Variants in NLGN1 observed in about 807,000 individuals in gnomAD.
The protein encoded by NLGN1 is neuroligin-1.
NLGN1 carries 12 observed loss-of-function variants against 65.5 expected under a neutral mutation model. The observed-to-expected ratio is 0.18, with a 90% CI of 0.12 to 0.30. NLGN1 has a LOEUF of 0.30. NLGN1 is among the 10% of genes least tolerant of loss of function. The probability of loss-of-function intolerance (pLI) is 1.00; values close to 1 mark genes in which losing one functional copy is unlikely to be tolerated. For synonymous variants in NLGN1, 350 were observed against 359.5 expected (o/e 0.97, Z 0.30); for missense variants, 750 against 1,007.1 (o/e 0.74, Z 3.46).
intron 4 of NLGN1, among the ~76,000 whole-genome samples, chr3:174,177,095 T>C (rs554714946): frequency 6.6e-5 from 10 of 152,226 alleles, no homozygotes; most frequent in African/African-American, 2.4e-4. Flanking sequence ...CAAATATTAT[T>C]TATGTGCTCC....
intron 4 of NLGN1, among the ~76,000 whole-genome samples, chr3:174,266,026 G>GTT (rs1289919165): frequency 7.7e-6 from 1 of 129,270 alleles, no homozygotes; most frequent in Non-Finnish European, 1.6e-5. Context: ...ATATATGTGT[G>GTT]TGTGTGTATA....
intron 4 of NLGN1, among the ~76,000 whole-genome samples, chr3:173,932,250 C>G (rs1013143412): frequency 1.3e-5 from 2 of 152,094 alleles, no homozygotes; most frequent in African/African-American, 4.8e-5. Context: ...AAAAATGGTA[C>G]TGTTTCAAAT....
intron 4 of NLGN1, among the ~76,000 whole-genome samples, chr3:174,148,550 C>T (rs187932950): frequency 1.3e-5 from 2 of 152,236 alleles, no homozygotes; most frequent in East Asian, 3.9e-4. Context: ...ATAATTAATA[C>T]TCAGCAGCAT....
Position 174,279,621 on chromosome 3 carries a change from G to T in NLGN1, c.1620G>T (p.Met540Ile). Residue 540 changes from methionine to isoleucine, a missense_variant, in exon 6 of 7, where the codon ATG becomes ATT. Transcript: ENST00000457714. This position sits in a 1 kb window ranked among gnomAD's most constrained non-coding sequence, Gnocchi z 4.7. Reference sequence around the variant, plus strand: ...ATGTGATGCTGAGTGCAGTTGTAATGACATACTGGACAAATTTTGCTAAAA... The same window carrying T: ...ATGTGATGCTGAGTGCAGTTGTAATTACATACTGGACAAATTTTGCTAAAA... The T allele has an allele frequency of 6.2e-7, 1 of 1,606,940 alleles. No individual in the cohort carries two copies. Among genetic ancestry groups the T allele is most frequent in the South Asian group, 1.1e-5 (1 of 90,534 alleles).
chr3:174,190,309 C>A (rs569193884), intron 4 of NLGN1, among the ~76,000 whole-genome samples: 1 of 151,810 alleles, frequency 6.6e-6, no homozygotes, highest in Admixed American at 6.6e-5. Context: ...GAACATGAAC[C>A]TGTTGATGAG....
chr3:173,528,380 A>G (rs1357119953), intron 2 of NLGN1, among the ~76,000 whole-genome samples: 1 of 152,140 alleles, frequency 6.6e-6, no homozygotes, highest in Non-Finnish European at 1.5e-5. Context: ...TTGTTATTTT[A>G]CATTGACCTT....
chr3:173,434,051 G>A (rs900484302), intron 1 of NLGN1, among the ~76,000 whole-genome samples: 1 of 152,094 alleles, frequency 6.6e-6, no homozygotes, highest in Non-Finnish European at 1.5e-5. Flanking sequence ...GACTGTAGAA[G>A]TAGAAAATAC....
chr3:174,068,857 G>A (rs1237447013), intron 4 of NLGN1, among the ~76,000 whole-genome samples: 3 of 152,074 alleles, frequency 2.0e-5, no homozygotes, highest in Non-Finnish European at 4.4e-5. Flanking sequence ...TGAACAGAAA[G>A]CAATTTATTG....
intron 3 of NLGN1, among the ~76,000 whole-genome samples, chr3:173,640,649 G>A (rs1441031837): frequency 1.3e-5 from 2 of 151,822 alleles, no homozygotes; most frequent in South Asian, 2.1e-4. Context: ...TTATAACTTC[G>A]GTGTTTGAAT....
intron 3 of NLGN1, among the ~76,000 whole-genome samples, chr3:173,737,094 A>C (rs1773891604): frequency 2.0e-5 from 3 of 152,046 alleles, no homozygotes. Context: ...ATGCAAAAGC[A>C]AAAATCCACT....
intron 3 of NLGN1, among the ~76,000 whole-genome samples, chr3:173,739,483 G>A (rs1421249355): frequency 1.3e-5 from 2 of 152,016 alleles, no homozygotes; most frequent in Non-Finnish European, 2.9e-5. Flanking sequence ...TCTTGTCAAC[G>A]GAAGGGGTTT....
chr3:174,050,938 G>A (rs1250363746), intron 4 of NLGN1, among the ~76,000 whole-genome samples: 1 of 151,958 alleles, frequency 6.6e-6, no homozygotes, highest in Non-Finnish European at 1.5e-5. Context: ...GAGAACGCTG[G>A]GCTGAGAGGT....
intron 4 of NLGN1, among the ~76,000 whole-genome samples, chr3:174,004,542 A>G (rs1299764969): frequency 6.6e-6 from 1 of 152,182 alleles, no homozygotes; most frequent in Non-Finnish European, 1.5e-5. Flanking sequence ...AAACAAAAAC[A>G]TTCTTGGACT....
intron 3 of NLGN1, among the ~76,000 whole-genome samples, chr3:173,621,997 C>A (rs1488387182): frequency 1.3e-5 from 2 of 152,038 alleles, no homozygotes; most frequent in African/African-American, 2.4e-5. Context: ...AAGAAATGCA[C>A]TGAAAAATCC....
intron 4 of NLGN1, chr3:173,910,891 A>G (rs1350779637): frequency 2.0e-5 from 3 of 152,220 alleles, no homozygotes; most frequent in Non-Finnish European, 4.4e-5. Context: ...GGTATCGGAA[A>G]GTAAAAAGGA....
At chr3:173,702,223 A>C (rs1489377218) in intron 3 of NLGN1, among the ~76,000 whole-genome samples, 2 of 145,370 alleles carry the variant, frequency 1.4e-5, no homozygotes, top group Non-Finnish European at 3.0e-5. Flanking sequence ...TGGGCGACAG[A>C]GCGAGACTCC....
intron 4 of NLGN1, among the ~76,000 whole-genome samples, chr3:174,213,976 A>G (rs1737148526): frequency 6.6e-6 from 1 of 152,178 alleles, no homozygotes; most frequent in Non-Finnish European, 1.5e-5. Context: ...AAATATTAAC[A>G]TAACAATATA....
intron 4 of NLGN1, among the ~76,000 whole-genome samples, chr3:173,885,795 C>A (rs1029072866): frequency 2.6e-5 from 4 of 151,944 alleles, no homozygotes; most frequent in Non-Finnish European, 5.9e-5. Flanking sequence ...ATTGAGACAT[C>A]ATTTTCAGCA....
intron 4 of NLGN1, among the ~76,000 whole-genome samples, chr3:174,238,350 T>C (rs909028825): frequency 6.7e-6 from 1 of 149,884 alleles, no homozygotes; most frequent in South Asian, 2.2e-4. Flanking sequence ...TTCTTCACTA[T>C]TATGAAGTTC....
Sources: gnomAD v4.1 joint callset for allele counts (sites outside exome capture counted in the v4.1 genomes callset) on GRCh38, gnomAD v4.1.1 for gene constraint, Gnocchi (gnomAD v3.1) non-coding constraint, MANE v1.5 for transcripts, NCBI Gene and HGNC (gene_info 2026-07-23, HGNC 2026-07-21) for gene names.